The following FBXW8 variants were observed in gnomAD, a reference collection of about 807,000 sequenced individuals.
The protein encoded by FBXW8 is F-box and WD repeat domain containing 8, also known as F-box/WD repeat-containing protein 8.
In FBXW8, 57 loss-of-function variants were observed where a neutral mutation model predicts 65.3. That is an observed-to-expected ratio of 0.87 (90% CI 0.71 to 1.09). The LOEUF (loss-of-function observed/expected upper bound fraction) is 1.09. Among genes scored for constraint, FBXW8 ranks in the 50% least tolerant of loss-of-function variants. The pLI is 0.00. For missense variants in FBXW8, 777 were observed against 814.8 expected, an observed-to-expected ratio of 0.95 and a Z score of 0.57; for synonymous variants, 308 against 330.2, an observed-to-expected ratio of 0.93 and a Z score of 0.73.
At position 116,988,709 on chromosome 12, in the gene FBXW8, C is replaced by T; in HGVS notation, c.1079C>T (p.Ala360Val). 1.2e-6 allele frequency: 2 copies of T among 1,614,162 alleles called. No individual in the cohort carries two copies. Among genetic ancestry groups the T allele is most frequent in the Non-Finnish European group, 1.7e-6 (2 of 1,180,038 alleles). ...IVPETRRYPV[A>V]VAAAGDLMYL... ...CCAGAAACCAGAAGGTACCCTGTGG[C>T]AGTAGCCGCTGCTGGAGATCTGATG... is the stretch of plus-strand genomic sequence containing the variant. The change falls in exon 7 of 11, where the codon GCA becomes GTA. Residue 360 changes from alanine to valine, a missense_variant. Physicochemically the swap from Ala to Val is moderately conservative, Grantham distance 64 (BLOSUM62 0). Coordinates refer to ENST00000652555, the MANE Select transcript of FBXW8 (RefSeq NM_153348.3).
chr12:116,984,650 G>C (rs980501041), intron 5 of FBXW8, among the ~76,000 whole-genome samples: 1 of 152,200 alleles, frequency 6.6e-6, no homozygotes, highest in Admixed American at 6.5e-5. Context: ...TGATGGGTTT[G>C]TAGCCAAAAC....
rs780179599 is a variant in FBXW8 at position 117,028,128 on chromosome 12, C to T, written c.1753C>T (p.His585Tyr). 6.2e-7 allele frequency: 1 copy of T among 1,614,056 alleles called. No homozygotes were observed. Among genetic ancestry groups the T allele is most frequent in the African/African-American group, 1.3e-5 (1 of 74,940 alleles). ...CRSSCDAMAT[H>Y]YYDLALAFPY... ...TTCATCCTGTGACGCCATGGCCACTCACTACTACGACCTCGCACTGGCCTT... is the reference window on the plus strand; with the variant it reads ...TTCATCCTGTGACGCCATGGCCACTTACTACTACGACCTCGCACTGGCCTT... Residue 585 changes from histidine (H) to tyrosine (Y), a missense_variant, in exon 11 of 11, where the codon CAC becomes TAC. By Grantham distance (83) the His-to-Tyr change is moderately conservative. Transcript: ENST00000652555. The surrounding 1 kb of genome is among the most constrained non-coding windows in gnomAD (Gnocchi z 4.1).
At chr12:117,017,746 A>G (rs1323538657) in intron 8 of FBXW8, among the ~76,000 whole-genome samples, 1 of 152,166 alleles carries the variant, frequency 6.6e-6, no homozygotes, top group Non-Finnish European at 1.5e-5. Context: ...TATTAGCAGA[A>G]GGTCAGGTCC....
chr12:116,994,481 C>T (rs537255344), intron 7 of FBXW8, among the ~76,000 whole-genome samples: 12 of 152,320 alleles, frequency 7.9e-5, no homozygotes, highest in African/African-American at 2.9e-4. Context: ...TTCCCACTCC[C>T]TCCAACCTGC....
intron 5 of FBXW8, among the ~76,000 whole-genome samples, chr12:116,984,721 T>C (rs1217086592): frequency 1.3e-5 from 2 of 152,242 alleles, no homozygotes; most frequent in African/African-American, 4.8e-5. Flanking sequence ...CCAGGTACGT[T>C]GGCTCACACG....
At chr12:116,966,908 G>A (rs1229154644) in intron 5 of FBXW8, among the ~76,000 whole-genome samples, 2 of 151,998 alleles carry the variant, frequency 1.3e-5, no homozygotes, top group African/African-American at 2.4e-5. Context: ...TACTAGAGAC[G>A]GGGTTTCACC....
At chr12:116,916,911 T>A (rs56308645) in intron 1 of FBXW8, among the ~76,000 whole-genome samples, 12,151 of 145,562 alleles carry the variant, frequency 0.083, 1,299 homozygotes, top group African/African-American at 0.26. Context: ...TGTGTGTGTG[T>A]GAGAGAGAGA....
intron 7 of FBXW8, among the ~76,000 whole-genome samples, chr12:116,996,434 T>C (rs1953376940): frequency 6.6e-6 from 1 of 152,056 alleles, no homozygotes; most frequent in East Asian, 1.9e-4. Flanking sequence ...TGCGCATAGA[T>C]TGTGGCCACA....
Position 117,011,493 on chromosome 12 carries a change from G to A in FBXW8, c.1367+1043G>A, listed in dbSNP as rs1953815141. ...AAATGGCTGATGTTCCGGTGCTTGA[G>A]AACTGAACTCCTCAGTGTGTGTGTG... On this transcript the variant is annotated intron_variant, in intron 8 of 10. Transcript: ENST00000652555. Among the ~76,000 whole-genome samples the A allele has an allele frequency of 2.0e-5, 3 of 152,300 alleles. No individual in the cohort carries two copies. The South Asian group carries it at 6.2e-4, about 32-fold the overall frequency.
chr12:116,999,052 A>G (rs1592941698), intron 7 of FBXW8, among the ~76,000 whole-genome samples: 1 of 152,168 alleles, frequency 6.6e-6, no homozygotes, highest in Non-Finnish European at 1.5e-5. Flanking sequence ...TAACTTATCA[A>G]TTACTGAGTT....
chr12:116,990,071 C>G (rs1437266478), intron 7 of FBXW8, among the ~76,000 whole-genome samples: 1 of 152,150 alleles, frequency 6.6e-6, no homozygotes, highest in Non-Finnish European at 1.5e-5. Context: ...CCTGTAAGGT[C>G]AAATCTCATT....
chr12:117,010,218 A>G, intron 7 of FBXW8, 105 bp from the exon 8 acceptor site: 1 of 1,523,614 alleles, frequency 6.6e-7, no homozygotes, highest in African/African-American at 1.4e-5. Context: ...TCTTCACGGG[A>G]GCTCAGTGAT....
Position 116,936,243 on chromosome 12 carries a change from T to C in FBXW8, c.423+8116T>C, listed in dbSNP as rs1053510457. On this transcript the variant is annotated intron_variant, in intron 2 of 10. Coordinates refer to ENST00000652555, the MANE Select transcript of FBXW8 (RefSeq NM_153348.3). This position sits in a 1 kb window ranked among gnomAD's most constrained non-coding sequence, Gnocchi z 4.6. The stretch of plus-strand genomic sequence containing the variant: ...AGTGGAATAGCAAGGACGAAGGACT[T>C]GAGGCAGACACAGCTGAAGCTCATC... Among the ~76,000 whole-genome samples, 1 of 152,110 alleles carries C rather than the reference T, an allele frequency of 6.6e-6. No homozygotes were observed. Among genetic ancestry groups the C allele is most frequent in the African/African-American group, 2.4e-5 (1 of 41,416 alleles).
At chr12:117,021,525 CTCTGTAA>C (rs1160693055) in intron 8 of FBXW8, among the ~76,000 whole-genome samples, 1 of 152,150 alleles carries the variant, frequency 6.6e-6, no homozygotes, top group African/African-American at 2.4e-5. Flanking sequence ...TCTTTGCGCT[CTCTGTAA>C]TTTGTGTAAT....
chr12:117,005,712 A>T (rs1394712217), intron 7 of FBXW8, among the ~76,000 whole-genome samples: 1 of 152,248 alleles, frequency 6.6e-6, no homozygotes, highest in Non-Finnish European at 1.5e-5. Flanking sequence ...TGGAGAAGAG[A>T]GCACAAAGGC....
chr12:116,931,100 A>T (rs1036024415), intron 2 of FBXW8, among the ~76,000 whole-genome samples: 1 of 152,210 alleles, frequency 6.6e-6, no homozygotes, highest in African/African-American at 2.4e-5. Flanking sequence ...ATTCTTCTGT[A>T]TGTGGATATC....
At chr12:116,927,468 T>C (rs74988797) in intron 1 of FBXW8, among the ~76,000 whole-genome samples, 7 of 152,176 alleles carry the variant, frequency 4.6e-5, no homozygotes, top group African/African-American at 1.7e-4. Flanking sequence ...AAGAGCAGTG[T>C]CTACTTGTTT....
At position 116,964,792 on chromosome 12, in the gene FBXW8, T is replaced by G. The variant is rs760374559; in HGVS notation, c.773T>G (p.Met258Arg). Reference protein sequence around the residue: ...ESEDEEDEPGMQPNVSFVRIN... With the variant: ...ESEDEEDEPGRQPNVSFVRIN... ...GAGGACGAGGAGGATGAGCCTGGAA[T>G]GCAGCCAAATGTCTCCTTTGTGAGG... The change falls in exon 5 of 11, where the codon ATG (methionine) becomes AGG (arginine). Residue 258 changes from methionine to arginine, a missense_variant. Coordinates refer to ENST00000652555, the MANE Select transcript of FBXW8 (RefSeq NM_153348.3). 5.6e-6 allele frequency: 9 copies of G among 1,613,336 alleles called. No homozygotes were observed. The Admixed American group carries it at 1.5e-4, about 27-fold the overall frequency.
intron 7 of FBXW8, among the ~76,000 whole-genome samples, chr12:116,996,052 C>A (rs141198627): frequency 6.6e-6 from 1 of 152,172 alleles, no homozygotes; most frequent in Non-Finnish European, 1.5e-5. Context: ...AGGTTGATGA[C>A]GAGCCCCAGG....
Sources: allele counts gnomAD v4.1 joint callset (sites outside exome capture counted in the v4.1 genomes callset), GRCh38; gene constraint gnomAD v4.1.1; non-coding constraint Gnocchi (gnomAD v3.1); transcripts MANE v1.5; gene names NCBI Gene and HGNC (gene_info 2026-07-23, HGNC 2026-07-21).